The following GPC5 variants were observed in gnomAD, a reference collection of about 807,000 sequenced individuals.
GPC5 encodes glypican 5, also known as glypican-5.
In GPC5, 47 loss-of-function variants were observed where a neutral mutation model predicts 53.9. The observed-to-expected ratio is 0.87, with a 90% CI of 0.69 to 1.11. The LOEUF (loss-of-function observed/expected upper bound fraction) is 1.11. Ranked by LOEUF, GPC5 falls within the 50% of genes most tolerant of loss-of-function variation. GPC5 has a pLI of 0.00. For missense variants in GPC5, 748 were observed against 713.1 expected (o/e 1.05, Z -0.56); for synonymous variants, 286 against 263.3 (o/e 1.09, Z -0.84).
intron 2 of GPC5, among the ~76,000 whole-genome samples, chr13:91,523,662 G>C (rs746170613): frequency 3.4e-4 from 51 of 151,810 alleles, no homozygotes; most frequent in Admixed American, 1.7e-3. Flanking sequence ...CATGACTATA[G>C]TTAATAATAC....
At chr13:91,415,647 C>T (rs1051713385) in intron 1 of GPC5, among the ~76,000 whole-genome samples, 3 of 145,768 alleles carry the variant, frequency 2.1e-5, no homozygotes, top group African/African-American at 7.7e-5. Flanking sequence ...TGCTACTTAT[C>T]AGCTTTGTGA....
intron 7 of GPC5, among the ~76,000 whole-genome samples, chr13:92,356,307 C>A (rs769988138): frequency 2.6e-5 from 4 of 152,090 alleles, no homozygotes; most frequent in African/African-American, 4.8e-5. Context: ...GGAGGGAAAC[C>A]TAGACCAAGT....
At chr13:92,482,673 C>T (rs756046162) in intron 7 of GPC5, among the ~76,000 whole-genome samples, 3 of 152,010 alleles carry the variant, frequency 2.0e-5, no homozygotes, top group Non-Finnish European at 4.4e-5. Context: ...TTATAACTTC[C>T]ATTAGAGTGG....
chr13:92,732,307 C>CA, intron 7 of GPC5, among the ~76,000 whole-genome samples: 1 of 151,630 alleles, frequency 6.6e-6, no homozygotes, highest in Non-Finnish European at 1.5e-5. Context: ...TATAAAATCC[C>CA]TCAGAGGCTC....
At position 92,475,979 on chromosome 13, in the gene GPC5, A is replaced by G. The variant is rs1026529552; in HGVS notation, c.1561+330990A>G. Among the ~76,000 whole-genome samples, 552 of 152,238 alleles carry G rather than the reference A, an allele frequency of 3.6e-3. 5 individuals are homozygous for G. The highest frequency in any genetic ancestry group is 0.012 in the African/African-American group (508 of 41,506). On this transcript the variant is annotated intron_variant, in intron 7 of 7. Transcript: ENST00000377067. ...AGGCATTACCATTCAGGACATAGGC[A>G]TGGGCAAGGACTTCATGTCTAAAAC...
At chr13:91,576,319 GTGTATA>G (rs59235711) in intron 2 of GPC5, among the ~76,000 whole-genome samples, 9,634 of 24,506 alleles carry the variant, frequency 0.39, 1,020 homozygotes, top group African/African-American at 0.49. Context: ...AATACACAAT[GTGTATA>G]TATATATATA....
chr13:92,041,150 C>A (rs1281211903), intron 6 of GPC5, among the ~76,000 whole-genome samples: 2 of 152,204 alleles, frequency 1.3e-5, no homozygotes, highest in Non-Finnish European at 2.9e-5. Flanking sequence ...CCACACCCGA[C>A]TTTAACTCTT....
chr13:92,158,653 C>G (rs755593913), intron 7 of GPC5, among the ~76,000 whole-genome samples: 1 of 152,116 alleles, frequency 6.6e-6, no homozygotes, highest in South Asian at 2.1e-4. Flanking sequence ...TTTCACATCC[C>G]CACTGCTACT....
At chr13:92,712,473 A>G (rs900771521) in intron 7 of GPC5, among the ~76,000 whole-genome samples, 18 of 152,026 alleles carry the variant, frequency 1.2e-4, no homozygotes, top group Non-Finnish European at 2.2e-4. Flanking sequence ...ACAAAAAAAA[A>G]ACGGCAAAAT....
chr13:92,584,119 C>T (rs1883459657), intron 7 of GPC5, among the ~76,000 whole-genome samples: 1 of 152,000 alleles, frequency 6.6e-6, no homozygotes, highest in South Asian at 2.1e-4. Context: ...TGGGGCATTA[C>T]TGAAAAAAAT....
At chr13:92,584,115 A>G (rs1883459524) in intron 7 of GPC5, among the ~76,000 whole-genome samples, 1 of 152,222 alleles carries the variant, frequency 6.6e-6, no homozygotes, top group Non-Finnish European at 1.5e-5. Flanking sequence ...AGAGTGGGGC[A>G]TTACTGAAAA....
intron 6 of GPC5, among the ~76,000 whole-genome samples, chr13:91,929,356 A>T (rs1368148586): frequency 6.6e-6 from 1 of 152,010 alleles, no homozygotes; most frequent in Non-Finnish European, 1.5e-5. Context: ...GAATTTTGGC[A>T]GGGTTTTCTT....
At chr13:92,124,849 G>A (rs2041681767) in intron 6 of GPC5, among the ~76,000 whole-genome samples, 1 of 152,158 alleles carries the variant, frequency 6.6e-6, no homozygotes, top group Admixed American at 6.6e-5. Flanking sequence ...GTAATGGTGG[G>A]ATGGGTGGCT....
At chr13:91,522,631 G>A (rs1165971523) in intron 2 of GPC5, among the ~76,000 whole-genome samples, 6 of 151,888 alleles carry the variant, frequency 4.0e-5, no homozygotes, top group East Asian at 1.9e-4. Context: ...AACTCTCTAC[G>A]TTAGATATTT....
chr13:91,682,078 G>T (rs544930223), intron 2 of GPC5, among the ~76,000 whole-genome samples: 12 of 152,236 alleles, frequency 7.9e-5, no homozygotes, highest in Admixed American at 4.6e-4. Context: ...AATACTCAGG[G>T]TTCAAATCCA....
intron 7 of GPC5, among the ~76,000 whole-genome samples, chr13:92,200,428 T>C (rs1300383206): frequency 6.6e-6 from 1 of 152,194 alleles, no homozygotes; most frequent in African/African-American, 2.4e-5. Context: ...TGGTGGTAAA[T>C]GCAAGACATT....
intron 7 of GPC5, among the ~76,000 whole-genome samples, chr13:92,284,842 T>C (rs2042942351): frequency 6.6e-6 from 1 of 152,180 alleles, no homozygotes; most frequent in African/African-American, 2.4e-5. Context: ...AAGACAGGGA[T>C]GCCCTCTCTC....
chr13:92,089,117 T>C (rs1258005595), intron 6 of GPC5, among the ~76,000 whole-genome samples: 2 of 152,166 alleles, frequency 1.3e-5, no homozygotes, highest in Non-Finnish European at 2.9e-5. Context: ...GTGTATTGGC[T>C]ATTGTTCTCA....
chr13:92,459,696 C>T (rs1183106250), intron 7 of GPC5, among the ~76,000 whole-genome samples: 2 of 152,144 alleles, frequency 1.3e-5, no homozygotes, highest in Non-Finnish European at 2.9e-5. Context: ...TAATTTTCTA[C>T]ATGTATGTTT....
Sources: gnomAD v4.1 joint callset for allele counts (sites outside exome capture counted in the v4.1 genomes callset) on GRCh38, gnomAD v4.1.1 for gene constraint, MANE v1.5 for transcripts, NCBI Gene and HGNC (gene_info 2026-07-23, HGNC 2026-07-21) for gene names.